Variants in RAB21 observed in about 807,000 individuals in gnomAD.
RAB21 encodes the protein ras-related protein Rab-21.
RAB21 carries 13 observed loss-of-function variants against 33.1 expected under a neutral mutation model. The observed-to-expected ratio is 0.39, with a 90% confidence interval of 0.26 to 0.62. RAB21 has a LOEUF of 0.62. RAB21 is among the 20% of genes least tolerant of loss of function. The pLI is 0.48. For missense variants in RAB21, 234 were observed against 279.1 expected, an observed-to-expected ratio of 0.84 and a Z score of 1.15; for synonymous variants, 91 against 103.7, an observed-to-expected ratio of 0.88 and a Z score of 0.74.
intron 3 of RAB21, among the ~76,000 whole-genome samples, chr12:71,772,109 G>T (rs1476547211): frequency 2.0e-5 from 3 of 152,142 alleles, no homozygotes; most frequent in African/African-American, 7.2e-5. Flanking sequence ...GACCAGGCAG[G>T]TCCACTGCTC....
At position 71,795,097 on chromosome 12, in the gene RAB21, A is replaced by G. The variant is rs2731028; in HGVS notation, c.*9424A>G. On this transcript the variant is annotated 3_prime_UTR_variant, in exon 7 of 7. Transcript: ENST00000261263. ...GAACTAAGAGCTAAAGAGTTCAATGATGATTAAGACCACTAGTCTGGCAAG... is the reference window on the plus strand; with the variant it reads ...GAACTAAGAGCTAAAGAGTTCAATGGTGATTAAGACCACTAGTCTGGCAAG... 1 of 151,976 alleles carries G rather than the reference A, an allele frequency of 6.6e-6. No individual in the cohort carries two copies. Among genetic ancestry groups the G allele is most frequent in the African/African-American group, 2.4e-5 (1 of 41,330 alleles). The allele number at this position is 151,976 out of a possible 1,614,324, so 9.4% of individuals were successfully genotyped here. A position where few individuals can be genotyped will look rare whatever the true frequency, so the allele number is the denominator to read the frequency against.
chr12:71,762,644 A>T (rs1882892660), intron 1 of RAB21, among the ~76,000 whole-genome samples: 1 of 150,084 alleles, frequency 6.7e-6, no homozygotes, highest in African/African-American at 2.5e-5. Context: ...GAGGAATGGC[A>T]CGATCTCAGT....
intron 3 of RAB21, among the ~76,000 whole-genome samples, chr12:71,771,185 G>A (rs1256786971): frequency 6.6e-6 from 1 of 152,154 alleles, no homozygotes; most frequent in East Asian, 1.9e-4. Context: ...TAAAAGGACA[G>A]TCTTAAAGTT....
In RAB21 at chr12:71,769,870, T is replaced by G; in HGVS notation, c.219+11T>G. ...AACCTTGCCATATGGGTAAGTGAAC[T>G]TTTTCAACTATTATGCGTGGAGGCT... On this transcript the variant is annotated intron_variant, in intron 2 of 6. Transcript: ENST00000261263. 1.5e-6 allele frequency: 2 copies of G among 1,332,536 alleles called. No homozygotes were observed. The highest frequency in any genetic ancestry group is 2.0e-6 in the Non-Finnish European group (2 of 1,009,070). 82.5% of individuals were successfully genotyped at this position (1,332,536 alleles called of 1,614,324 possible).
intron 3 of RAB21, among the ~76,000 whole-genome samples, chr12:71,772,448 C>T (rs1385457503): frequency 6.6e-6 from 1 of 152,116 alleles, no homozygotes; most frequent in Non-Finnish European, 1.5e-5. Flanking sequence ...GAATTTGACT[C>T]TACCACTTAA....
chr12:71,759,862 G>A (rs917098057), intron 1 of RAB21, among the ~76,000 whole-genome samples: 1 of 152,192 alleles, frequency 6.6e-6, no homozygotes, highest in African/African-American at 2.4e-5. Flanking sequence ...CATAGCCATC[G>A]TGATCCTGAC....
At chr12:71,783,446 ATG>A (rs922252703) in intron 6 of RAB21, among the ~76,000 whole-genome samples, 19 of 150,074 alleles carry the variant, frequency 1.3e-4, no homozygotes, top group African/African-American at 9.7e-5. Context: ...GAATATTGAT[ATG>A]TGTGTGTGTG....
Position 71,789,060 on chromosome 12 carries a change from TGAA to T in RAB21, c.*3396_*3398del, listed in dbSNP as rs934589914. The T allele has an allele frequency of 4.6e-5, 7 of 151,864 alleles. No homozygotes were observed. Among genetic ancestry groups the T allele is most frequent in the Non-Finnish European group, 7.4e-5 (5 of 67,910 alleles). 9.4% of individuals were successfully genotyped at this position (151,864 alleles called of 1,614,324 possible). ...GAGTACTTTATATTTGACATTAAAG[TGAA>T]GAAGAAGAGTAGTACTTCACTTTTA... On this transcript the variant is annotated 3_prime_UTR_variant, in exon 7 of 7. Transcript: ENST00000261263.
intron 1 of RAB21, among the ~76,000 whole-genome samples, chr12:71,766,365 A>G (rs1441899672): frequency 1.3e-5 from 2 of 152,104 alleles, no homozygotes; most frequent in Non-Finnish European, 2.9e-5. Flanking sequence ...TTCAAGTGGC[A>G]CTGTGTCACT....
At position 71,769,811 on chromosome 12, in the gene RAB21, A is replaced by T; in HGVS notation, c.171A>T (p.Leu57Phe). Reference sequence around the variant, plus strand: ...ATTTCTCTTTTTAGGCATCATTCTTAACAAAGAAGTTAAATATTGGTGGGA... The same window carrying T: ...ATTTCTCTTTTTAGGCATCATTCTTTACAAAGAAGTTAAATATTGGTGGGA... The part of the protein sequence containing the change: ...KHITTLQASF[L>F]TKKLNIGGKR... Residue 57 changes from leucine to phenylalanine, a missense_variant, in exon 2 of 7, where the codon TTA becomes TTT. Coordinates refer to ENST00000261263, the MANE Select transcript of RAB21 (RefSeq NM_014999.4). The T allele has an allele frequency of 7.2e-7, 1 of 1,388,258 alleles. No homozygotes were observed. Among genetic ancestry groups the T allele is most frequent in the Non-Finnish European group, 9.6e-7 (1 of 1,044,936 alleles). The allele number at this position is 1,388,258 out of a possible 1,614,324, so 86.0% of individuals were successfully genotyped here.
chr12:71,755,292 C>G lies in RAB21; in HGVS notation c.159+4C>G, dbSNP rs544132386. 6 of 1,513,288 alleles carry G rather than the reference C, an allele frequency of 4.0e-6. No individual in the cohort carries two copies. In the African/African-American group the frequency reaches 5.8e-5, roughly 15 times the overall value. 93.7% of individuals were successfully genotyped at this position (1,513,288 alleles called of 1,614,324 possible). On this transcript the variant is annotated splice_donor_region_variant and intron_variant, in intron 1 of 6. Coordinates refer to ENST00000261263, the MANE Select transcript of RAB21 (RefSeq NM_014999.4). ...CAAGCACATCACCACTCTGCAGGTGCGGACCTCGGGGAGCGGGAGGGGGCG... is the reference window on the plus strand; with the variant it reads ...CAAGCACATCACCACTCTGCAGGTGGGGACCTCGGGGAGCGGGAGGGGGCG...
rs1883386069 is a variant in RAB21, at chr12:71,791,606, A to G, written c.*5933A>G. On this transcript the variant is annotated 3_prime_UTR_variant, in exon 7 of 7. Coordinates refer to ENST00000261263, the MANE Select transcript of RAB21 (RefSeq NM_014999.4). ...ATAACAGGACATGATGCTACCAAAA[A>G]TTCAAACTTGTATTTGATCTGTGCC... 6.6e-6 allele frequency: 1 copy of G among 152,234 alleles called. No individual in the cohort carries two copies. Among genetic ancestry groups the G allele is most frequent in the Non-Finnish European group, 1.5e-5 (1 of 68,048 alleles). 9.4% of individuals were successfully genotyped at this position (152,234 alleles called of 1,614,324 possible). A position where few individuals can be genotyped will look rare whatever the true frequency, so the allele number is the denominator to read the frequency against.
chr12:71,783,406 G>C (rs963397648), intron 6 of RAB21, among the ~76,000 whole-genome samples: 2 of 151,554 alleles, frequency 1.3e-5, no homozygotes, highest in South Asian at 4.2e-4. Flanking sequence ...TTGAGAATTT[G>C]ATGAAATCAT....
At chr12:71,762,802 G>A (rs1185266459) in intron 1 of RAB21, among the ~76,000 whole-genome samples, 6 of 151,912 alleles carry the variant, frequency 3.9e-5, no homozygotes, top group South Asian at 4.1e-4. Context: ...GGCTGGTCCC[G>A]AACTCCTGAC....
At chr12:71,763,844 A>G (rs1274352687) in intron 1 of RAB21, among the ~76,000 whole-genome samples, 1 of 152,160 alleles carries the variant, frequency 6.6e-6, no homozygotes, top group African/African-American at 2.4e-5. Context: ...TGTATGTCCT[A>G]GAATAGTTAG....
rs1883423391 is a variant in RAB21, at chr12:71,793,932, C to G, written c.*8259C>G. On this transcript the variant is annotated 3_prime_UTR_variant, in exon 7 of 7. Coordinates refer to ENST00000261263, the MANE Select transcript of RAB21 (RefSeq NM_014999.4). The stretch of plus-strand genomic sequence containing the variant: ...CCTTTCCAATCAAAAGTGTTAAAAG[C>G]TGGCTGGGAGCCATGGCTCATGCCT... 1 of 152,384 alleles carries G rather than the reference C, an allele frequency of 6.6e-6. No individual in the cohort carries two copies. The highest frequency in any genetic ancestry group is 2.1e-4 in the South Asian group (1 of 4,822). The allele number at this position is 152,384 out of a possible 1,614,324, so 9.4% of individuals were successfully genotyped here.
rs560400484 is a variant in RAB21 at position 71,766,696 on chromosome 12, G to A, written c.160-3104G>A. Among the ~76,000 whole-genome samples, 36 of 152,140 alleles carry A rather than the reference G, an allele frequency of 2.4e-4. No homozygotes were observed. The East Asian group carries it at 3.5e-3, about 15-fold the overall frequency. On this transcript the variant is annotated intron_variant, in intron 1 of 6. Transcript: ENST00000261263. ...GGCTAGAAAAATTTGTGTGCATTGC[G>A]TGCATGAGTATAAGAGAACATGAAA...
At chr12:71,782,705 T>C (rs752521840) in intron 6 of RAB21, 47 bp downstream of exon 6, 3 of 1,350,662 alleles carry the variant, frequency 2.2e-6, no homozygotes, top group Non-Finnish European at 3.1e-6. Flanking sequence ...TTTTGGTTTT[T>C]ATTTTTTAAA....
At position 71,798,556 on chromosome 12, in the gene RAB21, G is replaced by C. The variant is rs544000234; in HGVS notation, c.*12883G>C. The C allele has an allele frequency of 6.6e-6, 1 of 151,680 alleles. No homozygotes were observed. Among genetic ancestry groups the C allele is most frequent in the East Asian group, 1.9e-4 (1 of 5,160 alleles). 9.4% of individuals were successfully genotyped at this position (151,680 alleles called of 1,614,324 possible). A position where few individuals can be genotyped will look rare whatever the true frequency, so the allele number is the denominator to read the frequency against. On this transcript the variant is annotated 3_prime_UTR_variant, in exon 7 of 7. Transcript: ENST00000261263. ...ATGAAAAAGTCCAATGATCCAAAAAGAAAAAGGTACAAAATTGTAAACAGT... is the reference window on the plus strand; with the variant it reads ...ATGAAAAAGTCCAATGATCCAAAAACAAAAAGGTACAAAATTGTAAACAGT...
Sources: allele counts gnomAD v4.1 joint callset (sites outside exome capture counted in the v4.1 genomes callset), GRCh38; gene constraint gnomAD v4.1.1; transcripts MANE v1.5; gene names NCBI Gene and HGNC (gene_info 2026-07-23, HGNC 2026-07-21).